Variants in UQCRC2 observed in about 807,000 individuals in gnomAD.
UQCRC2 encodes the protein ubiquinol-cytochrome c reductase core protein 2, also known as cytochrome b-c1 complex subunit 2, mitochondrial.
A neutral mutation model predicts 55.6 loss-of-function variants in UQCRC2; 49 were observed. That is an observed-to-expected ratio of 0.88 (90% CI 0.70 to 1.12). UQCRC2 has a LOEUF of 1.12. Among genes scored for constraint, UQCRC2 ranks in the 50% most tolerant of loss-of-function variants. UQCRC2 has a pLI of 0.00. For missense variants in UQCRC2, 506 were observed against 547.8 expected (o/e 0.92, Z 0.76); for synonymous variants, 193 against 192.0 (o/e 1.01, Z -0.04).
At chr16:21,953,515 A>C (rs1001715638) in intron 1 of UQCRC2, 59 bp downstream of exon 1, 4 of 1,593,756 alleles carry the variant, frequency 2.5e-6, no homozygotes, top group Non-Finnish European at 3.4e-6. Flanking sequence ...ACAAGGTGAT[A>C]CGAGGCGGAG....
chr16:21,983,290 G>A lies in UQCRC2; in HGVS notation c.*119G>A. 3 of 807,756 alleles carry A rather than the reference G, an allele frequency of 3.7e-6. No homozygotes were observed. The highest frequency in any genetic ancestry group is 5.8e-6 in the Non-Finnish European group (3 of 515,326). The allele number at this position is 807,756 out of a possible 1,614,324, so 50.0% of individuals were successfully genotyped here. On this transcript the variant is annotated 3_prime_UTR_variant, in exon 14 of 14. Coordinates refer to ENST00000268379, the MANE Select transcript of UQCRC2 (RefSeq NM_003366.4). ...CTTTTTTCCAGTGAGGTAAAATAAG[G>A]CATAAATGCAGGTAATTATTCCCAG...
chr16:21,976,295 T>G (rs772248418), intron 12 of UQCRC2, 52 bp downstream of exon 12: 1 of 1,431,328 alleles, frequency 7.0e-7, no homozygotes, highest in Middle Eastern at 1.8e-4. Flanking sequence ...GAAAGTTGTA[T>G]TCTTTTCAGA....
intron 4 of UQCRC2, among the ~76,000 whole-genome samples, chr16:21,961,117 T>G (rs1241415717): frequency 6.6e-6 from 1 of 152,206 alleles, no homozygotes; most frequent in Non-Finnish European, 1.5e-5. Context: ...TGTGAGCCAC[T>G]GCACCCAGCC....
At chr16:21,978,700 C>T (rs1006247784) in intron 12 of UQCRC2, among the ~76,000 whole-genome samples, 15 of 152,274 alleles carry the variant, frequency 9.9e-5, no homozygotes, top group Admixed American at 2.6e-4. Context: ...CAAATAGTAA[C>T]GTAAACGGTT....
At position 21,958,690 on chromosome 16, in the gene UQCRC2, T is replaced by A. The variant is rs754007750; in HGVS notation, c.332+91T>A. 447 of 1,106,746 alleles carry A rather than the reference T, an allele frequency of 4.0e-4. 1 individual carries two copies. The highest frequency in any genetic ancestry group is 5.7e-4 in the Non-Finnish European group (432 of 751,416). 68.6% of individuals were successfully genotyped at this position (1,106,746 alleles called of 1,614,324 possible). ...TCTCTGTTATCAAGGAGGTTGAGGATTTCTTAAGCAACATAAGAAGGAAAA... is the reference window on the plus strand; with the variant it reads ...TCTCTGTTATCAAGGAGGTTGAGGAATTCTTAAGCAACATAAGAAGGAAAA... On this transcript the variant is annotated intron_variant, in intron 4 of 13. Transcript: ENST00000268379.
At chr16:21,966,090 G>T (rs915106215) in intron 7 of UQCRC2, among the ~76,000 whole-genome samples, 1 of 150,692 alleles carries the variant, frequency 6.6e-6, no homozygotes, top group African/African-American at 2.4e-5. Context: ...AAGACAGAGG[G>T]ATCACTTGAG....
chr16:21,960,304 T>C (rs1018958931), intron 4 of UQCRC2, among the ~76,000 whole-genome samples: 3 of 152,256 alleles, frequency 2.0e-5, no homozygotes, highest in Non-Finnish European at 4.4e-5. Flanking sequence ...ATTAAGAAGA[T>C]GGCTTCTTTC....
At chr16:21,971,311 A>G (rs1286076119) in intron 8 of UQCRC2, among the ~76,000 whole-genome samples, 1 of 152,228 alleles carries the variant, frequency 6.6e-6, no homozygotes, top group African/African-American at 2.4e-5. Context: ...AGAAAATTCT[A>G]GATGAATAGT....
intron 13 of UQCRC2, among the ~76,000 whole-genome samples, chr16:21,981,844 CTTT>C (rs1245008218): frequency 2.1e-5 from 3 of 142,136 alleles, no homozygotes; most frequent in Non-Finnish European, 3.1e-5. Context: ...TCATACTCTT[CTTT>C]TTTTTTTTTT....
chr16:21,953,631 G>C (rs963814034), intron 1 of UQCRC2, among the ~76,000 whole-genome samples, 175 bp downstream of exon 1: 2 of 152,190 alleles, frequency 1.3e-5, no homozygotes, highest in Non-Finnish European at 2.9e-5. Context: ...CCCAGCTCAT[G>C]CTGTGAGCAC....
intron 8 of UQCRC2, among the ~76,000 whole-genome samples, chr16:21,969,033 ATGTT>A (rs1374451566): frequency 6.6e-6 from 1 of 152,210 alleles, no homozygotes; most frequent in Non-Finnish European, 1.5e-5. Flanking sequence ...TGGGAGAAAT[ATGTT>A]TGTATATGTG....
At chr16:21,981,590 CA>C (rs1385075161) in intron 13 of UQCRC2, among the ~76,000 whole-genome samples, 2 of 151,922 alleles carry the variant, frequency 1.3e-5, no homozygotes, top group East Asian at 3.9e-4. Flanking sequence ...CCCATCTCTA[CA>C]AAAAAGTACA....
rs751045268 is a variant in UQCRC2 at position 21,971,916 on chromosome 16, G to T, written c.767-7G>T. ...TCTTCTTCCCTCTATCCTTAATCTGGCCCCAGGTGAAATCCGAGAACAGAA... is the reference window on the plus strand; with the variant it reads ...TCTTCTTCCCTCTATCCTTAATCTGTCCCCAGGTGAAATCCGAGAACAGAA... On this transcript the variant is annotated splice_region_variant and splice_polypyrimidine_tract_variant and intron_variant, in intron 9 of 13. Coordinates refer to ENST00000268379, the MANE Select transcript of UQCRC2 (RefSeq NM_003366.4). 1.2e-6 allele frequency: 2 copies of T among 1,613,516 alleles called. No homozygotes were observed. Among genetic ancestry groups the T allele is most frequent in the South Asian group, 2.2e-5 (2 of 91,064 alleles).
chr16:21,977,678 G>A (rs1898619293), intron 12 of UQCRC2, among the ~76,000 whole-genome samples: 1 of 152,204 alleles, frequency 6.6e-6, no homozygotes, highest in Non-Finnish European at 1.5e-5. Context: ...AGCCGCTTAA[G>A]ACATTTAAGT....
intron 6 of UQCRC2, 84 bp downstream of exon 6, chr16:21,962,969 C>T: frequency 6.9e-7 from 1 of 1,459,366 alleles, no homozygotes; most frequent in East Asian, 2.4e-5. Context: ...AAATTGCTGT[C>T]AAAATTTTTA....
chr16:21,956,707 A>T (rs1381200463), intron 1 of UQCRC2, among the ~76,000 whole-genome samples: 2 of 152,190 alleles, frequency 1.3e-5, no homozygotes. Flanking sequence ...TCTATAAATC[A>T]CTAATAAATA....
At chr16:21,973,596 T>C (rs1185974695) in intron 10 of UQCRC2, among the ~76,000 whole-genome samples, 1 of 152,184 alleles carries the variant, frequency 6.6e-6, no homozygotes, top group Non-Finnish European at 1.5e-5. Context: ...AATAATAATG[T>C]TTGCAGATTA....
chr16:21,955,009 C>A (rs187249041), intron 1 of UQCRC2, among the ~76,000 whole-genome samples: 61 of 144,784 alleles, frequency 4.2e-4, no homozygotes, highest in African/African-American at 1.5e-3. Flanking sequence ...GAGCCGAGAT[C>A]GCACCGCTGC....
At chr16:21,955,979 C>T (rs1386898826) in intron 1 of UQCRC2, among the ~76,000 whole-genome samples, 5 of 152,156 alleles carry the variant, frequency 3.3e-5, no homozygotes, top group African/African-American at 1.2e-4. Flanking sequence ...GCATGCATCA[C>T]CACGCCCCGC....
Sources: allele counts gnomAD v4.1 joint callset (sites outside exome capture counted in the v4.1 genomes callset), GRCh38; gene constraint gnomAD v4.1.1; transcripts MANE v1.5; gene names NCBI Gene and HGNC (gene_info 2026-07-23, HGNC 2026-07-21).